Variants in BTBD16 observed in about 807,000 individuals in gnomAD.
The protein encoded by BTBD16 is BTB/POZ domain-containing protein 16.
In BTBD16, 66 loss-of-function variants were observed where a neutral mutation model predicts 67.4. That is an observed-to-expected ratio of 0.98 (90% confidence interval 0.80 to 1.20). The LOEUF is 1.20. Among genes scored for constraint, BTBD16 ranks in the 50% most tolerant of loss-of-function variants. BTBD16 has a pLI of 0.00. For missense variants in BTBD16, 634 were observed against 616.0 expected (o/e 1.03, Z -0.31); for synonymous variants, 242 against 236.4 (o/e 1.02, Z -0.22).
At chr10:122,324,082 T>C (rs1336516009) in intron 10 of BTBD16, among the ~76,000 whole-genome samples, 2 of 152,176 alleles carry the variant, frequency 1.3e-5, no homozygotes, top group African/African-American at 4.8e-5. Context: ...TTCCCCTGAT[T>C]CTCCAGCTGA....
intron 12 of BTBD16, 122 bp downstream of exon 12, chr10:122,331,380 A>T: frequency 7.3e-7 from 1 of 1,363,244 alleles, no homozygotes; most frequent in Non-Finnish European, 9.6e-7. Flanking sequence ...ACATATCTGG[A>T]TCATCTTCCA....
intron 10 of BTBD16, among the ~76,000 whole-genome samples, chr10:122,311,755 CA>C (rs1457810547): frequency 2.6e-5 from 4 of 152,236 alleles, no homozygotes; most frequent in African/African-American, 9.6e-5. Flanking sequence ...CAGACCAGAA[CA>C]GGGGACATGG....
At position 122,317,355 on chromosome 10, in the gene BTBD16, A is replaced by G. The variant is rs376697174; in HGVS notation, c.911+10047A>G. Among the ~76,000 whole-genome samples the G allele has an allele frequency of 2.6e-5, 4 of 152,170 alleles. No homozygotes were observed. In the East Asian group the frequency reaches 5.8e-4, roughly 22 times the overall value. Reference sequence around the variant, plus strand: ...TACTTTTTAAACCTTTTTGTTAAAAACTAAGCCACAGGCCGGGTGTGGTGG... The same window carrying G: ...TACTTTTTAAACCTTTTTGTTAAAAGCTAAGCCACAGGCCGGGTGTGGTGG... On this transcript the variant is annotated intron_variant, in intron 10 of 15. Transcript: ENST00000260723.
intron 13 of BTBD16, among the ~76,000 whole-genome samples, chr10:122,334,309 C>T (rs1198517168): frequency 6.6e-6 from 1 of 150,752 alleles, no homozygotes; most frequent in Non-Finnish European, 1.5e-5. Context: ...TATTCTCTTG[C>T]CTCAGCCTCC....
Position 122,299,004 on chromosome 10 carries a change from T to A in BTBD16, c.661T>A (p.Tyr221Asn). Residue 221 changes from tyrosine (Y) to asparagine (N), a missense_variant and splice_region_variant, in exon 9 of 16, where the codon TAC becomes AAC. Coordinates refer to ENST00000260723, the MANE Select transcript of BTBD16 (RefSeq NM_144587.5). ...IKKFYEAGCK[Y>N]KEEQLTTGCE... is the part of the protein sequence containing the mutation. ...ATCAACTGGCTTTTTTTTGTCTTAG[T>A]ACAAGGAAGAGCAGCTCACCACCGG... is the stretch of plus-strand genomic sequence containing the variant. 1.9e-6 allele frequency: 3 copies of A among 1,613,642 alleles called. No individual in the cohort carries two copies. The highest frequency in any genetic ancestry group is 1.7e-6 in the Non-Finnish European group (2 of 1,179,968).
intron 9 of BTBD16, among the ~76,000 whole-genome samples, chr10:122,304,550 CTTT>C (rs3037891): frequency 1.2e-4 from 11 of 95,422 alleles, no homozygotes; most frequent in African/African-American, 8.6e-5. Context: ...AGCAGGTATT[CTTT>C]TTTTTTTTTT....
At chr10:122,336,407 C>T in intron 14 of BTBD16, 87 bp from the exon 15 acceptor site, 1 of 1,203,596 alleles carries the variant, frequency 8.3e-7, no homozygotes, top group Non-Finnish European at 1.2e-6. Context: ...CATTATATAC[C>T]AGGGTCTATA....
intron 12 of BTBD16, chr10:122,332,045 C>T (rs2096455968): frequency 5.5e-6 from 1 of 181,504 alleles, no homozygotes; most frequent in Non-Finnish European, 1.2e-5. Context: ...TCCTTTTGTC[C>T]CCCGCTGCCA....
chr10:122,302,521 C>T lies in BTBD16; in HGVS notation c.791+3387C>T, dbSNP rs184123308. The stretch of plus-strand genomic sequence containing the variant: ...GTGTCTCCAATTCTCCCTGACTTCC[C>T]GCCTATAACCCGAGAAGTCTCGAGG... On this transcript the variant is annotated intron_variant, in intron 9 of 15. Coordinates refer to ENST00000260723, the MANE Select transcript of BTBD16 (RefSeq NM_144587.5). 3.2e-4 allele frequency among the ~76,000 whole-genome samples: 48 copies of T among 152,298 alleles called. No homozygotes were observed. In the Middle Eastern group the frequency reaches 0.01, roughly 32 times the overall value.
chr10:122,276,101 C>T (rs936662457), intron 2 of BTBD16, among the ~76,000 whole-genome samples: 6 of 152,180 alleles, frequency 3.9e-5, no homozygotes, highest in African/African-American at 1.4e-4. Flanking sequence ...CCACAAAAGG[C>T]CACATATTGT....
intron 13 of BTBD16, 124 bp from the exon 14 acceptor site, chr10:122,334,757 G>A (rs150468617): frequency 2.1e-5 from 12 of 559,638 alleles, no homozygotes; most frequent in Non-Finnish European, 3.1e-6. Context: ...CCTGACCTCA[G>A]ATGATCTGCC....
chr10:122,332,656 G>A, intron 13 of BTBD16, 143 bp downstream of exon 13: 1 of 1,033,010 alleles, frequency 9.7e-7, no homozygotes, highest in South Asian at 1.9e-5. Context: ...TGTCTCTCCT[G>A]CATGGTCATC....
Position 122,291,141 on chromosome 10 carries a change from A to C in BTBD16, c.537A>C (p.Leu179=). 5 of 1,613,770 alleles carry C rather than the reference A, an allele frequency of 3.1e-6. No homozygotes were observed. Among genetic ancestry groups the C allele is most frequent in the East Asian group, 2.2e-5 (1 of 44,844 alleles). The change falls in exon 7 of 16, where the codon CTA becomes CTC. Residue 179 remains leucine, a synonymous_variant. Coordinates refer to ENST00000260723, the MANE Select transcript of BTBD16 (RefSeq NM_144587.5). ...MSEVEINLED[L]LGVLASAHIL... Reference sequence around the variant, plus strand: ...AGGTGGAGATTAACTTGGAAGACCTACTGGGAGTGCTGGCTTCCGCCCACA... The same window carrying C: ...AGGTGGAGATTAACTTGGAAGACCTCCTGGGAGTGCTGGCTTCCGCCCACA...
At chr10:122,309,997 C>T (rs1052351414) in intron 10 of BTBD16, among the ~76,000 whole-genome samples, 2 of 151,740 alleles carry the variant, frequency 1.3e-5, no homozygotes, top group African/African-American at 4.8e-5. Context: ...GTCTCAAACT[C>T]CTGCCCTCAA....
At position 122,329,421 on chromosome 10, in the gene BTBD16, G is replaced by A; in HGVS notation, c.912-59G>A. 1.9e-6 allele frequency: 3 copies of A among 1,548,314 alleles called. No homozygotes were observed. The South Asian group carries it at 3.4e-5, about 17-fold the overall frequency. On this transcript the variant is annotated intron_variant, in intron 10 of 15. Transcript: ENST00000260723. Reference sequence around the variant, plus strand: ...TACAACATGGCTTTCCCTAGCCCGAGCTAATTCCAGAGAGGAGTTTGCTGA... The same window carrying A: ...TACAACATGGCTTTCCCTAGCCCGAACTAATTCCAGAGAGGAGTTTGCTGA...
chr10:122,291,926 G>A (rs2096374839), intron 7 of BTBD16, among the ~76,000 whole-genome samples: 1 of 152,166 alleles, frequency 6.6e-6, no homozygotes, highest in Non-Finnish European at 1.5e-5. Context: ...TTCAAAGTGG[G>A]TTGGCATTGA....
rs746545674 is a variant in BTBD16, at chr10:122,299,025, A to G, written c.682A>G (p.Thr228Ala). 20 of 1,613,948 alleles carry G rather than the reference A, an allele frequency of 1.2e-5. No homozygotes were observed. The highest frequency in any genetic ancestry group is 5.5e-5 in the South Asian group (5 of 91,064). Reference protein sequence around the residue: ...GCKYKEEQLTTGCEKWLEMNL... With the variant: ...GCKYKEEQLTAGCEKWLEMNL... Reference sequence around the variant, plus strand: ...TTAGTACAAGGAAGAGCAGCTCACCACCGGCTGCGAGAAGTGGCTGGAAAT... The same window carrying G: ...TTAGTACAAGGAAGAGCAGCTCACCGCCGGCTGCGAGAAGTGGCTGGAAAT... Residue 228 changes from threonine (T) to alanine (A), a missense_variant, in exon 9 of 16, where the codon ACC (threonine) becomes GCC (alanine). Physicochemically the swap from Thr to Ala is moderately conservative, Grantham distance 58. Coordinates refer to ENST00000260723, the MANE Select transcript of BTBD16 (RefSeq NM_144587.5).
chr10:122,310,998 T>C (rs1021450093), intron 10 of BTBD16, among the ~76,000 whole-genome samples: 5 of 135,004 alleles, frequency 3.7e-5, no homozygotes, highest in East Asian at 2.3e-4. Flanking sequence ...GTCTCAGCAG[T>C]GTCCGGAAGA....
In BTBD16 at chr10:122,313,462, AC is replaced by A. The variant is rs545092275; in HGVS notation, c.911+6156del. Reference sequence around the variant, plus strand: ...GTATTTTTAGTAGAGATGGGGTTTCACCATGTTGGTCAGGCTGGTCTCGAAC... The same window carrying A: ...GTATTTTTAGTAGAGATGGGGTTTCACATGTTGGTCAGGCTGGTCTCGAAC... On this transcript the variant is annotated intron_variant, in intron 10 of 15. Transcript: ENST00000260723. Among the ~76,000 whole-genome samples, 20 of 150,962 alleles carry A rather than the reference AC, an allele frequency of 1.3e-4. 1 individual carries two copies. Among genetic ancestry groups the A allele is most frequent in the Middle Eastern group, 7.0e-3 (2 of 286 alleles).
Sources: gnomAD v4.1 joint callset for allele counts (sites outside exome capture counted in the v4.1 genomes callset) on GRCh38, gnomAD v4.1.1 for gene constraint, MANE v1.5 for transcripts, NCBI Gene and HGNC (gene_info 2026-07-23, HGNC 2026-07-21) for gene names.